Variants in ZNF341 observed in about 807,000 individuals in gnomAD.
The protein encoded by ZNF341 is zinc finger protein 341.
In ZNF341, 52 loss-of-function variants were observed where a neutral mutation model predicts 87.7. The observed-to-expected ratio is 0.59, with a 90% CI of 0.47 to 0.75. The LOEUF is 0.75. ZNF341 is among the 30% of genes least tolerant of loss of function. The pLI is 0.00. For missense variants in ZNF341, 977 were observed against 1,145.9 expected, an observed-to-expected ratio of 0.85 and a Z score of 2.13; for synonymous variants, 459 against 472.7, an observed-to-expected ratio of 0.97 and a Z score of 0.38.
At chr20:33,743,965 A>G (rs551501935) in intron 2 of ZNF341, among the ~76,000 whole-genome samples, 1 of 152,304 alleles carries the variant, frequency 6.6e-6, no homozygotes, top group African/African-American at 2.4e-5. Context: ...AGAGGAAGGA[A>G]CTATAGCCGC....
intron 14 of ZNF341, 81 bp from the exon 15 acceptor site, chr20:33,790,907 C>G: frequency 6.7e-7 from 1 of 1,483,192 alleles, no homozygotes; most frequent in East Asian, 2.3e-5. Context: ...GGGGAAAGAG[C>G]CTGGATTTTA....
In ZNF341 at chr20:33,783,873, C is replaced by T; in HGVS notation, c.1852+9C>T. 2 of 1,611,296 alleles carry T rather than the reference C, an allele frequency of 1.2e-6. No individual in the cohort carries two copies. Among genetic ancestry groups the T allele is most frequent in the African/African-American group, 1.3e-5 (1 of 74,742 alleles). ...TGCTCACATCCACTCGGGTAGGTACCCTGCCCCTGAGAACTCCAGCCCAGC... is the reference window on the plus strand; with the variant it reads ...TGCTCACATCCACTCGGGTAGGTACTCTGCCCCTGAGAACTCCAGCCCAGC... On this transcript the variant is annotated intron_variant, in intron 12 of 14. Coordinates refer to ENST00000375200, the MANE Select transcript of ZNF341 (RefSeq NM_001282933.2).
intron 1 of ZNF341, among the ~76,000 whole-genome samples, chr20:33,735,680 G>A (rs2018666528): frequency 6.6e-6 from 1 of 152,032 alleles, no homozygotes; most frequent in Non-Finnish European, 1.5e-5. Flanking sequence ...TGCAGTTGTG[G>A]GAAATGATAA....
At chr20:33,752,745 C>T (rs565544644) in intron 4 of ZNF341, among the ~76,000 whole-genome samples, 1 of 151,338 alleles carries the variant, frequency 6.6e-6, no homozygotes. Flanking sequence ...CTCCGTCTCC[C>T]AGGTTCACAC....
chr20:33,780,388 G>A (rs74878149), intron 10 of ZNF341, among the ~76,000 whole-genome samples: 4,736 of 152,050 alleles, frequency 0.031, 244 homozygotes, highest in African/African-American at 0.11. Context: ...CAATGGTGTG[G>A]CATGGTCTGA....
At chr20:33,773,078 A>C (rs1818231722) in intron 10 of ZNF341, among the ~76,000 whole-genome samples, 1 of 152,180 alleles carries the variant, frequency 6.6e-6, no homozygotes, top group Non-Finnish European at 1.5e-5. Context: ...ATGCCAAGTA[A>C]AGGGAAGGAA....
chr20:33,748,460 G>A (rs938152190), intron 3 of ZNF341, among the ~76,000 whole-genome samples: 7 of 152,000 alleles, frequency 4.6e-5, no homozygotes, highest in Admixed American at 2.0e-4. Context: ...CTTTCATTCC[G>A]TTTTTGTTTG....
intron 12 of ZNF341, chr20:33,788,431 T>TA (rs756590127): frequency 3.6e-5 from 7 of 196,370 alleles, no homozygotes; most frequent in African/African-American, 7.3e-5. Context: ...TCAAAAAAAA[T>TA]AAATAAATAA....
intron 10 of ZNF341, among the ~76,000 whole-genome samples, chr20:33,778,562 C>T (rs1317176019): frequency 2.0e-5 from 3 of 152,210 alleles, no homozygotes; most frequent in Non-Finnish European, 4.4e-5. Flanking sequence ...CCGCCCACCT[C>T]GGCCTCCCAA....
intron 11 of ZNF341, among the ~76,000 whole-genome samples, chr20:33,782,790 A>G (rs2019770491): frequency 1.3e-5 from 2 of 152,210 alleles, no homozygotes; most frequent in South Asian, 2.1e-4. Context: ...GTGTGAATAC[A>G]TGCCCTTCTT....
chr20:33,756,551 A>G lies in ZNF341; in HGVS notation c.742-597A>G, dbSNP rs144337412. Reference sequence around the variant, plus strand: ...CTGACTTAATTTTTGTATTTTTAGTAGAGATGGGGTTTCACCATGTTGGCC... The same window carrying G: ...CTGACTTAATTTTTGTATTTTTAGTGGAGATGGGGTTTCACCATGTTGGCC... On this transcript the variant is annotated intron_variant, in intron 5 of 14. Transcript: ENST00000375200. 1.8e-3 allele frequency among the ~76,000 whole-genome samples: 280 copies of G among 152,108 alleles called. 1 individual carries two copies. Among genetic ancestry groups the G allele is most frequent in the African/African-American group, 6.5e-3 (270 of 41,524 alleles).
intron 6 of ZNF341, among the ~76,000 whole-genome samples, 189 bp downstream of exon 6, chr20:33,757,532 A>G (rs551764967): frequency 4.6e-5 from 7 of 152,326 alleles, no homozygotes; most frequent in East Asian, 1.9e-4. Context: ...AAGCCAGACA[A>G]TCTGGGGATC....
chr20:33,789,650 C>G (rs1045714297), intron 14 of ZNF341, 62 bp downstream of exon 14: 2 of 1,558,640 alleles, frequency 1.3e-6, no homozygotes, highest in Admixed American at 3.4e-5. Context: ...GGGATAGACC[C>G]GCCAGGAAGA....
chr20:33,742,625 C>G (rs1419227660), intron 2 of ZNF341, among the ~76,000 whole-genome samples: 6 of 151,496 alleles, frequency 4.0e-5, no homozygotes, highest in Non-Finnish European at 8.8e-5. Context: ...CAAAAAACTT[C>G]TCTTTAATTA....
At chr20:33,765,335 A>G (rs766611081) in intron 8 of ZNF341, among the ~76,000 whole-genome samples, 1 of 151,670 alleles carries the variant, frequency 6.6e-6, no homozygotes, top group Admixed American at 6.6e-5. Flanking sequence ...AACTAGCCCT[A>G]CTGTGTGCCT....
rs1460746296 is a variant in ZNF341 at position 33,744,964 on chromosome 20, G to A, written c.143-139G>A. The stretch of plus-strand genomic sequence containing the variant: ...ACACCTGCATGTCAAGTCGCAGCAT[G>A]CCCCCCAGATTGCTGCTTGTGGTCA... On this transcript the variant is annotated intron_variant, in intron 2 of 14. Coordinates refer to ENST00000375200, the MANE Select transcript of ZNF341 (RefSeq NM_001282933.2). 7 of 720,576 alleles carry A rather than the reference G, an allele frequency of 9.7e-6. No homozygotes were observed. The East Asian group carries it at 1.3e-4, about 14-fold the overall frequency. 44.6% of individuals were successfully genotyped at this position (720,576 alleles called of 1,614,324 possible).
At position 33,745,271 on chromosome 20, in the gene ZNF341, A is replaced by T; in HGVS notation, c.311A>T (p.Gln104Leu). 6.2e-7 allele frequency: 1 copy of T among 1,613,604 alleles called. No homozygotes were observed. ...CCTTCGGCAGCACCCACAGCGGTCCAGCAGGCCCCAACTCCTGCCAATCGC... is the reference window on the plus strand; with the variant it reads ...CCTTCGGCAGCACCCACAGCGGTCCTGCAGGCCCCAACTCCTGCCAATCGC... Reference protein sequence around the residue: ...YPPSAAPTAVQQAPTPANRQI... With the variant: ...YPPSAAPTAVLQAPTPANRQI... Residue 104 changes from glutamine (Q) to leucine (L), a missense_variant, in exon 3 of 15, where the codon CAG becomes CTG. Physicochemically the swap from Gln to Leu is moderately radical, Grantham distance 113 (BLOSUM62 -2). Transcript: ENST00000375200.
At chr20:33,779,696 C>A (rs1249170277) in intron 10 of ZNF341, among the ~76,000 whole-genome samples, 1 of 152,100 alleles carries the variant, frequency 6.6e-6, no homozygotes, top group Non-Finnish European at 1.5e-5. Context: ...GGTGATCTGC[C>A]CACCTCAGCC....
At chr20:33,758,616 G>A (rs560914768) in intron 6 of ZNF341, 100 bp from the exon 7 acceptor site, 3 of 883,342 alleles carry the variant, frequency 3.4e-6, no homozygotes, top group South Asian at 3.0e-5. Flanking sequence ...CTTCCCTGGG[G>A]TATGGATTGT....
Sources: allele counts gnomAD v4.1 joint callset (sites outside exome capture counted in the v4.1 genomes callset), GRCh38; gene constraint gnomAD v4.1.1; transcripts MANE v1.5; gene names NCBI Gene and HGNC (gene_info 2026-07-23, HGNC 2026-07-21).